The following PIK3C2G variants were observed in gnomAD, a reference collection of about 807,000 sequenced individuals.
PIK3C2G encodes phosphatidylinositol 3-kinase C2 domain-containing subunit gamma.
PIK3C2G carries 168 observed loss-of-function variants against 181.1 expected under a neutral mutation model. That is an observed-to-expected ratio of 0.93 (90% CI 0.82 to 1.05). The LOEUF (loss-of-function observed/expected upper bound fraction) is 1.05, where lower values mean the gene tolerates loss of function less well. Among genes scored for constraint, PIK3C2G ranks in the 50% least tolerant of loss-of-function variants. The pLI, the probability that PIK3C2G is intolerant of heterozygous loss-of-function variation, is 0.00. For missense variants in PIK3C2G, 1,869 were observed against 1,732.8 expected, an observed-to-expected ratio of 1.08 and a Z score of -1.40; for synonymous variants, 573 against 592.2, an observed-to-expected ratio of 0.97 and a Z score of 0.47.
At chr12:18,317,947 C>T (rs1020999193) in intron 6 of PIK3C2G, among the ~76,000 whole-genome samples, 1 of 152,192 alleles carries the variant, frequency 6.6e-6, no homozygotes, top group Non-Finnish European at 1.5e-5. Context: ...GTATGACTAC[C>T]TAAGCAGTAG....
In PIK3C2G at chr12:18,382,202, T is replaced by C. The variant is rs191075198; in HGVS notation, c.1995+322T>C. On this transcript the variant is annotated intron_variant, in intron 14 of 32. Coordinates refer to ENST00000538779, the MANE Select transcript of PIK3C2G (RefSeq NM_001288772.2). Reference sequence around the variant, plus strand: ...TTGTCTAAAAACAGTCATTGGTATGTATTATTAACTTGGTATCCTACTCAC... The same window carrying C: ...TTGTCTAAAAACAGTCATTGGTATGCATTATTAACTTGGTATCCTACTCAC... Among the ~76,000 whole-genome samples the C allele has an allele frequency of 5.3e-5, 8 of 152,348 alleles. No individual in the cohort carries two copies. The East Asian group carries it at 1.3e-3, about 26-fold the overall frequency.
intron 30 of PIK3C2G, 26 bp downstream of exon 30, chr12:18,594,595 G>A (rs774223882): frequency 3.0e-5 from 34 of 1,139,502 alleles, no homozygotes; most frequent in African/African-American, 9.8e-5. Flanking sequence ...ATTATATTAC[G>A]TACAGTGATT....
upstream of PIK3C2G, among the ~76,000 whole-genome samples, chr12:18,247,133 C>T (rs528755432): frequency 9.9e-5 from 15 of 152,148 alleles, no homozygotes; most frequent in Admixed American, 3.9e-4. Context: ...TCCTAAGTCC[C>T]ATTTCCTAAA....
At chr12:18,594,595 G>T in intron 30 of PIK3C2G, 26 bp downstream of exon 30, 1 of 1,139,624 alleles carries the variant, frequency 8.8e-7, no homozygotes, top group Non-Finnish European at 1.2e-6. Flanking sequence ...ATTATATTAC[G>T]TACAGTGATT....
intron 1 of PIK3C2G, among the ~76,000 whole-genome samples, chr12:18,279,929 C>T (rs1447285006): frequency 1.3e-5 from 2 of 151,870 alleles, no homozygotes; most frequent in African/African-American, 4.8e-5. Flanking sequence ...AAATCTAATT[C>T]ATTTATTCCT....
In PIK3C2G at chr12:18,423,851, T is replaced by C. The variant is rs539863124; in HGVS notation, c.2410-94T>C. 98 of 727,952 alleles carry C rather than the reference T, an allele frequency of 1.3e-4. 1 individual carries two copies. The highest frequency in any genetic ancestry group is 9.7e-4 in the South Asian group (62 of 63,672). 45.1% of individuals were successfully genotyped at this position (727,952 alleles called of 1,614,324 possible). A position where few individuals can be genotyped will look rare whatever the true frequency, so the allele number is the denominator to read the frequency against. ...GCATTTTGTTAAAATATGCATGCTG[T>C]TTTCTCTAGTCTTTTCTCAAGCCTC... On this transcript the variant is annotated intron_variant, in intron 17 of 32. Coordinates refer to ENST00000538779, the MANE Select transcript of PIK3C2G (RefSeq NM_001288772.2).
At chr12:18,289,513 G>A (rs939453932) in intron 3 of PIK3C2G, among the ~76,000 whole-genome samples, 1 of 152,136 alleles carries the variant, frequency 6.6e-6, no homozygotes, top group Non-Finnish European at 1.5e-5. Flanking sequence ...GACCTTTATG[G>A]TAGAGTATAA....
intron 31 of PIK3C2G, among the ~76,000 whole-genome samples, chr12:18,625,376 A>G (rs1949050993): frequency 6.6e-6 from 1 of 151,730 alleles, no homozygotes; most frequent in Non-Finnish European, 1.5e-5. Flanking sequence ...CATTGTGGTT[A>G]GAAAAGGTAC....
intron 5 of PIK3C2G, among the ~76,000 whole-genome samples, chr12:18,296,461 C>T (rs1028085385): frequency 2.6e-5 from 4 of 152,032 alleles, no homozygotes; most frequent in Admixed American, 6.6e-5. Context: ...ATGGTAATGA[C>T]TTAAGAACTT....
At chr12:18,651,646 T>G (rs568360117), downstream of PIK3C2G, among the ~76,000 whole-genome samples, 101 of 152,202 alleles carry the variant, frequency 6.6e-4, no homozygotes, top group African/African-American at 2.4e-3. Context: ...TCTAGGTACC[T>G]AAGGACCTTG....
intron 24 of PIK3C2G, among the ~76,000 whole-genome samples, chr12:18,512,317 T>TA (rs1565464598): frequency 6.6e-6 from 1 of 151,816 alleles, no homozygotes; most frequent in African/African-American, 2.4e-5. Context: ...GGTTCCATGA[T>TA]AAGGATTGTT....
chr12:18,634,013 ATAT>A, intron 31 of PIK3C2G, among the ~76,000 whole-genome samples: 1 of 152,230 alleles, frequency 6.6e-6, no homozygotes, highest in Middle Eastern at 3.4e-3. Context: ...AAAGCGCCAT[ATAT>A]TGGATGCTGG....
At chr12:18,244,367 A>G (rs1948017357), upstream of PIK3C2G, among the ~76,000 whole-genome samples, 1 of 152,010 alleles carries the variant, frequency 6.6e-6, no homozygotes. Context: ...ATAGAATCTA[A>G]TATGTTAGAT....
At chr12:18,388,906 C>A (rs1470400102) in intron 14 of PIK3C2G, among the ~76,000 whole-genome samples, 1 of 151,988 alleles carries the variant, frequency 6.6e-6, no homozygotes, top group East Asian at 1.9e-4. Flanking sequence ...TCCTCTATCC[C>A]CCCCAAAAAA....
At chr12:18,704,690 C>G in the PIK3C2G span, among the ~76,000 whole-genome samples, 2 of 151,832 alleles carry the variant, frequency 1.3e-5, no homozygotes, top group Non-Finnish European at 2.9e-5. Flanking sequence ...TAGATGTGGA[C>G]GTGATTTTTC....
chr12:18,639,232 T>G (rs1949738061), intron 31 of PIK3C2G, among the ~76,000 whole-genome samples: 1 of 152,096 alleles, frequency 6.6e-6, no homozygotes, highest in South Asian at 2.1e-4. Flanking sequence ...AATTTAGAAC[T>G]GAATAAAATT....
chr12:18,314,991 G>C (rs1950799645), intron 6 of PIK3C2G, among the ~76,000 whole-genome samples: 1 of 152,162 alleles, frequency 6.6e-6, no homozygotes, highest in African/African-American at 2.4e-5. Context: ...CATGTTGTGA[G>C]TTACTTCCAA....
At chr12:18,523,020 A>G (rs956398678) in intron 24 of PIK3C2G, among the ~76,000 whole-genome samples, 7 of 151,976 alleles carry the variant, frequency 4.6e-5, no homozygotes, top group African/African-American at 4.8e-5. Flanking sequence ...GATCATGTCT[A>G]CTATTGAAGC....
chr12:18,466,706 G>A (rs769503609), intron 18 of PIK3C2G, among the ~76,000 whole-genome samples: 5 of 151,962 alleles, frequency 3.3e-5, no homozygotes, highest in Admixed American at 2.0e-4. Context: ...AGCTCGAAAG[G>A]TTCAATAAAT....
Sources: allele counts gnomAD v4.1 joint callset (sites outside exome capture counted in the v4.1 genomes callset), GRCh38; gene constraint gnomAD v4.1.1; transcripts MANE v1.5; gene names NCBI Gene and HGNC (gene_info 2026-07-23, HGNC 2026-07-21).